The following C8orf82 variants were observed in gnomAD, a reference collection of about 807,000 sequenced individuals.
C8orf82 encodes the protein UPF0598 protein C8orf82.
C8orf82 carries 24 observed loss-of-function variants against 15.0 expected under a neutral mutation model. That is an observed-to-expected ratio of 1.60 (90% confidence interval 1.16 to 2.24). C8orf82 has a LOEUF of 2.24. Ranked by LOEUF, C8orf82 falls within the 30% of genes most tolerant of loss-of-function variation. The pLI is 0.00. For missense variants in C8orf82, 388 were observed against 317.4 expected, an observed-to-expected ratio of 1.22 and a Z score of -1.69; for synonymous variants, 205 against 152.2, an observed-to-expected ratio of 1.35 and a Z score of -2.55.
Position 144,528,877 on chromosome 8 carries a change from C to T in C8orf82, c.40G>A (p.Ala14Thr). 1 of 1,519,158 alleles carries T rather than the reference C, an allele frequency of 6.6e-7. No individual in the cohort carries two copies. The highest frequency in any genetic ancestry group is 1.2e-5 in the South Asian group (1 of 80,406). 94.1% of individuals were successfully genotyped at this position (1,519,158 alleles called of 1,614,324 possible). The change falls in exon 1 of 3, where the codon GCG becomes ACG. Residue 14 changes from alanine to threonine, a missense_variant. Coordinates refer to ENST00000524821, the MANE Select transcript of C8orf82 (RefSeq NM_001001795.2). ...PCGTLRTLAL[A>T]RSRGARACSG... ...CAGGCCCGGGCTCCCCGCGACCGCG[C>T]CAAGGCCAGGGTCCGGAGCGTCCCG...
chr8:144,526,244 G>GAA lies in C8orf82; in HGVS notation c.*1096_*1097dup, dbSNP rs1480417081. 16 of 152,356 alleles carry GAA rather than the reference G, an allele frequency of 1.1e-4. No individual in the cohort carries two copies. Among genetic ancestry groups the GAA allele is most frequent in the African/African-American group, 3.8e-4 (16 of 41,576 alleles). 9.4% of individuals were successfully genotyped at this position (152,356 alleles called of 1,614,324 possible). A position where few individuals can be genotyped will look rare whatever the true frequency, so the allele number is the denominator to read the frequency against. On this transcript the variant is annotated 3_prime_UTR_variant, in exon 3 of 3. Transcript: ENST00000524821. ...TAAGCACAGCAATAAAGTTTTAATG[G>GAA]AATAGCTTTGGCCCAGGCAGAGGCA... is the stretch of plus-strand genomic sequence containing the variant.
rs1402989632 is a variant in C8orf82, at chr8:144,528,942, G to A, written c.-26C>T. ...TCTCCTCCCGCGCCGGAAGCGACCA[G>A]CAGGTCACGCCGGGGGCGGTGCTGC... On this transcript the variant is annotated 5_prime_UTR_variant, in exon 1 of 3. Transcript: ENST00000524821. 4 of 1,495,666 alleles carry A rather than the reference G, an allele frequency of 2.7e-6. No individual in the cohort carries two copies. Among genetic ancestry groups the A allele is most frequent in the East Asian group, 5.8e-5 (2 of 34,420 alleles). The allele number at this position is 1,495,666 out of a possible 1,614,324, so 92.6% of individuals were successfully genotyped here. A position where few individuals can be genotyped will look rare whatever the true frequency, so the allele number is the denominator to read the frequency against.
Position 144,528,066 on chromosome 8 carries a change from G to T in C8orf82, c.163C>A (p.Leu55Met). The change falls in exon 2 of 3, where the codon CTG becomes ATG. Residue 55 changes from leucine (L) to methionine (M), a missense_variant. Transcript: ENST00000524821. ...AAATTCTTCATTTTGGAATCATCCAGGAAAAGCTGCAGATAGAGGGCCAGG... is the reference window on the plus strand; with the variant it reads ...AAATTCTTCATTTTGGAATCATCCATGAAAAGCTGCAGATAGAGGGCCAGG... ...YYVDHQGQLF[L>M]DDSKMKNFIT... The T allele has an allele frequency of 6.2e-7, 1 of 1,612,888 alleles. No individual in the cohort carries two copies. Among genetic ancestry groups the T allele is most frequent in the Non-Finnish European group, 8.5e-7 (1 of 1,179,948 alleles).
intron 1 of C8orf82, chr8:144,528,503 C>A: frequency 7.0e-7 from 1 of 1,426,228 alleles, no homozygotes; most frequent in Non-Finnish European, 9.2e-7. Flanking sequence ...CTGCACAACG[C>A]AGCAGGGACG....
intron 1 of C8orf82, 144 bp downstream of exon 1, chr8:144,528,617 G>GCCCACCCA (rs202133968): frequency 2.6e-5 from 2 of 76,268 alleles, no homozygotes; most frequent in East Asian, 1.0e-3. Flanking sequence ...CGCAGGCCCC[G>GCCCACCCA]CCCACCCACC....
At chr8:144,527,954 A>G in intron 2 of C8orf82, 70 bp downstream of exon 2, 1 of 1,551,040 alleles carries the variant, frequency 6.4e-7, no homozygotes, top group East Asian at 2.2e-5. Flanking sequence ...CCGTCGGCAG[A>G]GTCGGGGAGC....
intron 1 of C8orf82, 42 bp from the exon 2 acceptor site, chr8:144,528,114 G>GC: frequency 6.2e-7 from 1 of 1,604,738 alleles, no homozygotes; most frequent in East Asian, 2.2e-5. Context: ...CCAGCGTGCA[G>GC]GTGGGGGCGG....
At chr8:144,528,267 C>CCT in intron 1 of C8orf82, 195 bp from the exon 2 acceptor site, 2 of 1,505,160 alleles carry the variant, frequency 1.3e-6, no homozygotes, top group Non-Finnish European at 1.8e-6. Flanking sequence ...TCTATGCGCA[C>CCT]CTCTGCTCCC....
rs747819441 is a variant in C8orf82, at chr8:144,528,040, G to C, written c.189C>G (p.Phe63Leu). The change falls in exon 2 of 3, where the codon TTC becomes TTG. Residue 63 changes from phenylalanine (F) to leucine (L), a missense_variant. Transcript: ENST00000524821. The stretch of plus-strand genomic sequence containing the variant: ...CAGCATTACCTTTGAAGCAGGTGAT[G>C]AAATTCTTCATTTTGGAATCATCCA... ...LFLDDSKMKNFITCFKDPQFL... is the reference protein window; with the variant it reads ...LFLDDSKMKNLITCFKDPQFL... 1 of 1,612,828 alleles carries C rather than the reference G, an allele frequency of 6.2e-7. No individual in the cohort carries two copies. The highest frequency in any genetic ancestry group is 8.5e-7 in the Non-Finnish European group (1 of 1,179,924).
Position 144,527,319 on chromosome 8 carries a change from TC to T in C8orf82, c.*22del. The stretch of plus-strand genomic sequence containing the variant: ...AGCGGGGCGAGAGGCGCCCGCGGCC[TC>T]CCGCCTTTCCCTTGGCCCCGCTCAG... On this transcript the variant is annotated 3_prime_UTR_variant, in exon 3 of 3. Coordinates refer to ENST00000524821, the MANE Select transcript of C8orf82 (RefSeq NM_001001795.2). The T allele has an allele frequency of 8.6e-7, 1 of 1,161,052 alleles. No individual in the cohort carries two copies. Among genetic ancestry groups the T allele is most frequent in the Non-Finnish European group, 1.1e-6 (1 of 941,004 alleles). The allele number at this position is 1,161,052 out of a possible 1,614,324, so 71.9% of individuals were successfully genotyped here.
In C8orf82 at chr8:144,528,060, C is replaced by T. The variant is rs374436642; in HGVS notation, c.169G>A (p.Asp57Asn). 9 of 1,612,754 alleles carry T rather than the reference C, an allele frequency of 5.6e-6. No homozygotes were observed. The highest frequency in any genetic ancestry group is 3.3e-4 in the Middle Eastern group (2 of 6,064). Residue 57 changes from aspartate (D) to asparagine (N), a missense_variant, in exon 2 of 3, where the codon GAT (aspartate) becomes AAT (asparagine). Physicochemically the swap from Asp to Asn is conservative, Grantham distance 23. Transcript: ENST00000524821. ...VDHQGQLFLD[D>N]SKMKNFITCF... is the part of the protein sequence containing the mutation. Reference sequence around the variant, plus strand: ...GTGATGAAATTCTTCATTTTGGAATCATCCAGGAAAAGCTGCAGATAGAGG... The same window carrying T: ...GTGATGAAATTCTTCATTTTGGAATTATCCAGGAAAAGCTGCAGATAGAGG...
Position 144,526,392 on chromosome 8 carries a change from C to G in C8orf82, c.*950G>C, listed in dbSNP as rs1294433381. ...TGGCTCCAGGCCTGGCCCACTCAGCCTCCCCCAGGAAGGCTTCTCAAGTGG... is the reference window on the plus strand; with the variant it reads ...TGGCTCCAGGCCTGGCCCACTCAGCGTCCCCCAGGAAGGCTTCTCAAGTGG... On this transcript the variant is annotated 3_prime_UTR_variant, in exon 3 of 3. Transcript: ENST00000524821. The G allele has an allele frequency of 6.6e-6, 1 of 152,234 alleles. No individual in the cohort carries two copies. The highest frequency in any genetic ancestry group is 2.4e-5 in the African/African-American group (1 of 41,442). The allele number at this position is 152,234 out of a possible 1,614,324, so 9.4% of individuals were successfully genotyped here.
intron 1 of C8orf82, 145 bp downstream of exon 1, chr8:144,528,616 C>CCGGGGGGGGGG: frequency 4.4e-5 from 13 of 296,002 alleles, no homozygotes; most frequent in Non-Finnish European, 6.6e-5. Flanking sequence ...GCGCAGGCCC[C>CCGGGGGGGGGG]GCCCACCCAC....
At chr8:144,528,226 T>C (rs773562922) in intron 1 of C8orf82, 154 bp from the exon 2 acceptor site, 1 of 1,486,456 alleles carries the variant, frequency 6.7e-7, no homozygotes, top group Non-Finnish European at 8.9e-7. Flanking sequence ...GCGTGAAAGG[T>C]AAACCTGGGG....
At position 144,528,925 on chromosome 8, in the gene C8orf82, C is replaced by T. The variant is rs1191172646; in HGVS notation, c.-9G>A. On this transcript the variant is annotated 5_prime_UTR_variant, in exon 1 of 3. Transcript: ENST00000524821. ...CCGCAAGGCGGCCACATTCTCCTCC[C>T]GCGCCGGAAGCGACCAGCAGGTCAC... 2.7e-6 allele frequency: 4 copies of T among 1,502,394 alleles called. No homozygotes were observed. Among genetic ancestry groups the T allele is most frequent in the Non-Finnish European group, 2.7e-6 (3 of 1,128,602 alleles). 93.1% of individuals were successfully genotyped at this position (1,502,394 alleles called of 1,614,324 possible). A position where few individuals can be genotyped will look rare whatever the true frequency, so the allele number is the denominator to read the frequency against.
chr8:144,527,938 C>T, intron 2 of C8orf82, 86 bp downstream of exon 2: 3 of 1,522,472 alleles, frequency 2.0e-6, no homozygotes, highest in African/African-American at 2.7e-5. Context: ...CCTTGGTGCG[C>T]TGGGCCCGTC....
Position 144,528,763 on chromosome 8 carries a change from G to A in C8orf82, c.154C>T (p.Gln52Ter). The change falls in exon 1 of 3, where the codon CAG becomes TAG. Residue 52 changes from glutamine to a stop codon, truncating the protein, a stop_gained and splice_region_variant. Transcript: ENST00000524821. LOFTEE classifies it high-confidence loss of function. The stretch of plus-strand genomic sequence containing the variant: ...GCAACGGCCCTGCCCCCGCCCACCT[G>A]GCCCTGGTGGTCCACGTAGTAGAAA... ...EYFYYVDHQG[Q>*]LFLDDSKMKN... 1.7e-6 allele frequency: 2 copies of A among 1,207,904 alleles called. No individual in the cohort carries two copies. Among genetic ancestry groups the A allele is most frequent in the Non-Finnish European group, 2.1e-6 (2 of 953,052 alleles). 74.8% of individuals were successfully genotyped at this position (1,207,904 alleles called of 1,614,324 possible). A position where few individuals can be genotyped will look rare whatever the true frequency, so the allele number is the denominator to read the frequency against.
chr8:144,529,039 C>G lies in C8orf82; in HGVS notation c.-123G>C. On this transcript the variant is annotated 5_prime_UTR_variant, in exon 1 of 3. Coordinates refer to ENST00000524821, the MANE Select transcript of C8orf82 (RefSeq NM_001001795.2). ...GGCGCCCGCCTCCGCGACCCGGGCC[C>G]GGCGCTCTTCCCTCTCCCTCGGGCC... is the stretch of plus-strand genomic sequence containing the variant. 9.6e-7 allele frequency: 1 copy of G among 1,044,302 alleles called. No individual in the cohort carries two copies. Among genetic ancestry groups the G allele is most frequent in the Non-Finnish European group, 1.3e-6 (1 of 786,208 alleles). 64.7% of individuals were successfully genotyped at this position (1,044,302 alleles called of 1,614,324 possible). A position where few individuals can be genotyped will look rare whatever the true frequency, so the allele number is the denominator to read the frequency against.
Position 144,527,579 on chromosome 8 carries a change from C to T in C8orf82, c.414G>A (p.Val138=). The change falls in exon 3 of 3, where the codon GTG becomes GTA. Residue 138 remains valine (V), a synonymous_variant. Transcript: ENST00000524821. ...GCAGCAGGCGCGCCGGCTCGAAGGGCACGGCCAGGGCCTCGCCACCGCCGC... is the reference window on the plus strand; with the variant it reads ...GCAGCAGGCGCGCCGGCTCGAAGGGTACGGCCAGGGCCTCGCCACCGCCGC... ...SYCGGGEALA[V]PFEPARLLPL... is the part of the protein sequence containing the mutation. 6.7e-7 allele frequency: 1 copy of T among 1,487,398 alleles called. No homozygotes were observed. Among genetic ancestry groups the T allele is most frequent in the Non-Finnish European group, 8.9e-7 (1 of 1,124,394 alleles). The allele number at this position is 1,487,398 out of a possible 1,614,324, so 92.1% of individuals were successfully genotyped here. A position where few individuals can be genotyped will look rare whatever the true frequency, so the allele number is the denominator to read the frequency against.
Sources: gnomAD v4.1 joint callset for allele counts on GRCh38, gnomAD v4.1.1 for gene constraint, MANE v1.5 for transcripts, NCBI Gene and HGNC (gene_info 2026-07-23, HGNC 2026-07-21) for gene names.